Variants in GNG7 observed in about 807,000 individuals in gnomAD.
GNG7 encodes the protein guanine nucleotide-binding protein G(I)/G(S)/G(O) subunit gamma-7.
In GNG7, 1 loss-of-function variant was observed where a neutral mutation model predicts 4.0. The observed-to-expected ratio is 0.25, with a 90% CI of 0.09 to 1.18. GNG7 has a LOEUF of 1.18. Among genes scored for constraint, GNG7 ranks in the 50% most tolerant of loss-of-function variants. The pLI is 0.50. For missense variants in GNG7, 86 were observed against 91.9 expected, an observed-to-expected ratio of 0.94 and a Z score of 0.26; for synonymous variants, 34 against 36.9, an observed-to-expected ratio of 0.92 and a Z score of 0.29.
rs1022000250 is a variant in GNG7 at position 2,553,016 on chromosome 19, A to G, written c.-38+2133T>C. Among the ~76,000 whole-genome samples, 106 of 151,852 alleles carry G rather than the reference A, an allele frequency of 7.0e-4. 1 individual carries two copies. Among genetic ancestry groups the G allele is most frequent in the African/African-American group, 2.5e-3 (102 of 41,376 alleles). On this transcript the variant is annotated intron_variant, in intron 3 of 4. Coordinates refer to ENST00000382159, the MANE Select transcript of GNG7 (RefSeq NM_052847.3). ...AATTGTAAAGATCAGAGCAGCGATA[A>G]ACGAGACAGAGATGAGAAAAACTGG...
At chr19:2,661,438 C>A (rs1983175957) in intron 1 of GNG7, among the ~76,000 whole-genome samples, 2 of 151,668 alleles carry the variant, frequency 1.3e-5, no homozygotes, top group African/African-American at 4.8e-5. Context: ...TGGGGCAGGT[C>A]ATTTGAGATC....
intron 3 of GNG7, among the ~76,000 whole-genome samples, chr19:2,550,213 G>T (rs937717052): frequency 5.3e-5 from 8 of 151,948 alleles, no homozygotes; most frequent in African/African-American, 1.7e-4. Context: ...CCCCCGTGGC[G>T]ACCCTCCTTG....
chr19:2,591,294 C>A lies in GNG7; in HGVS notation c.-77-36106G>T, dbSNP rs78027424. Reference sequence around the variant, plus strand: ...ATTTGTCAGGCATACTCCTACTTGCCAATACTATTTGCCAACATACTACTC... The same window carrying A: ...ATTTGTCAGGCATACTCCTACTTGCAAATACTATTTGCCAACATACTACTC... On this transcript the variant is annotated intron_variant, in intron 2 of 4. Coordinates refer to ENST00000382159, the MANE Select transcript of GNG7 (RefSeq NM_052847.3). Among the ~76,000 whole-genome samples, 78 of 152,244 alleles carry A rather than the reference C, an allele frequency of 5.1e-4. No homozygotes were observed. The East Asian group carries it at 0.013, about 26-fold the overall frequency.
chr19:2,560,105 A>G (rs755883085), intron 2 of GNG7, among the ~76,000 whole-genome samples: 1 of 151,454 alleles, frequency 6.6e-6, no homozygotes, highest in Non-Finnish European at 1.5e-5. Context: ...ACGCACGTCC[A>G]TGACTCTAAT....
intron 3 of GNG7, among the ~76,000 whole-genome samples, chr19:2,544,386 C>G (rs1027859660): frequency 6.6e-6 from 1 of 152,128 alleles, no homozygotes; most frequent in Non-Finnish European, 1.5e-5. Context: ...TGAGCACCCC[C>G]GGGAGCCATG....
chr19:2,541,114 C>T (rs958472505), intron 3 of GNG7, among the ~76,000 whole-genome samples: 10 of 152,196 alleles, frequency 6.6e-5, no homozygotes, highest in Non-Finnish European at 5.9e-5. Context: ...GGCGAGGGAG[C>T]GGGAGCTACC....
At chr19:2,608,336 G>C (rs1401726213) in intron 2 of GNG7, among the ~76,000 whole-genome samples, 1 of 151,126 alleles carries the variant, frequency 6.6e-6, no homozygotes, top group African/African-American at 2.4e-5. Context: ...AAAAGTCCCC[G>C]AAGCCCCTGC....
At chr19:2,596,227 T>C (rs1433534265) in intron 2 of GNG7, among the ~76,000 whole-genome samples, 2 of 151,804 alleles carry the variant, frequency 1.3e-5, no homozygotes, top group Admixed American at 6.6e-5. Context: ...GGTGCGGTGG[T>C]GCATGCCTGT....
intron 3 of GNG7, among the ~76,000 whole-genome samples, chr19:2,524,703 TG>T (rs941456950): frequency 3.3e-5 from 5 of 152,156 alleles, no homozygotes; most frequent in Admixed American, 6.5e-5. Context: ...CATACGTGCA[TG>T]TGTGTGGACA....
intron 3 of GNG7, among the ~76,000 whole-genome samples, chr19:2,549,699 C>T (rs1331545299): frequency 2.0e-5 from 3 of 150,290 alleles, no homozygotes; most frequent in Non-Finnish European, 3.0e-5. Context: ...CTGCAGCTAC[C>T]ACCGCTGCAG....
At chr19:2,696,428 A>G (rs893829937) in intron 1 of GNG7, among the ~76,000 whole-genome samples, 10 of 151,376 alleles carry the variant, frequency 6.6e-5, no homozygotes, top group Non-Finnish European at 1.2e-4. Context: ...AAGGAAGGAA[A>G]GAAAGAAAGA....
At chr19:2,650,072 G>C (rs2144864828) in intron 1 of GNG7, among the ~76,000 whole-genome samples, 1 of 152,228 alleles carries the variant, frequency 6.6e-6, no homozygotes, top group East Asian at 1.9e-4. Flanking sequence ...CTCCTCCTGA[G>C]TATGGAAGGA....
chr19:2,685,622 C>A (rs1418394543), intron 1 of GNG7, among the ~76,000 whole-genome samples: 1 of 152,078 alleles, frequency 6.6e-6, no homozygotes, highest in Non-Finnish European at 1.5e-5. Context: ...GAGACCCTGT[C>A]TCAAAGTAAA....
chr19:2,545,184 C>T (rs1979085150), intron 3 of GNG7, among the ~76,000 whole-genome samples: 1 of 150,304 alleles, frequency 6.7e-6, no homozygotes, highest in South Asian at 2.1e-4. Flanking sequence ...TGGGCGCTGT[C>T]TGGCGACATC....
chr19:2,640,095 AGGAGGGAGGGAAGGAG>A (rs1243549072), intron 2 of GNG7, among the ~76,000 whole-genome samples: 1 of 76,782 alleles, frequency 1.3e-5, no homozygotes, highest in Non-Finnish European at 2.5e-5. Flanking sequence ...GGAGGAAGGA[AGGAGGGAGGGAAGGAG>A]GGAGGGAGGG....
intron 2 of GNG7, among the ~76,000 whole-genome samples, chr19:2,562,543 C>CG (rs1733034372): frequency 6.6e-6 from 1 of 152,196 alleles, no homozygotes; most frequent in South Asian, 2.1e-4. Context: ...TTTTTCCCCC[C>CG]GGGCACTGTG....
chr19:2,684,270 G>A (rs982877663), intron 1 of GNG7, among the ~76,000 whole-genome samples: 2 of 151,804 alleles, frequency 1.3e-5, no homozygotes, highest in Admixed American at 6.6e-5. Flanking sequence ...GCGAGTAGCT[G>A]GGATTACAGG....
intron 1 of GNG7, among the ~76,000 whole-genome samples, chr19:2,679,448 C>T (rs1251940793): frequency 2.0e-5 from 3 of 152,130 alleles, no homozygotes; most frequent in Non-Finnish European, 4.4e-5. Flanking sequence ...GTCACAGCCT[C>T]GTAGTCCATC....
chr19:2,700,084 A>T (rs537133596), intron 1 of GNG7, among the ~76,000 whole-genome samples: 2 of 151,640 alleles, frequency 1.3e-5, no homozygotes, highest in East Asian at 3.9e-4. Context: ...TCAACATAAT[A>T]ATAATAATAA....
Sources: gnomAD v4.1 joint callset for allele counts (sites outside exome capture counted in the v4.1 genomes callset) on GRCh38, gnomAD v4.1.1 for gene constraint, MANE v1.5 for transcripts, NCBI Gene and HGNC (gene_info 2026-07-23, HGNC 2026-07-21) for gene names.